The following CLNK variants were observed in gnomAD, a reference collection of about 807,000 sequenced individuals.
The protein encoded by CLNK is cytokine dependent hematopoietic cell linker, also known as cytokine-dependent hematopoietic cell linker.
A neutral mutation model predicts 68.6 loss-of-function variants in CLNK; 74 were observed. The ratio of observed to expected loss-of-function variants is 1.08; its 90% confidence interval spans 0.89 to 1.31. The LOEUF is 1.31. CLNK is among the 50% of genes most tolerant of loss of function. The pLI is 0.00. For missense variants in CLNK, 553 were observed against 515.3 expected (o/e 1.07, Z -0.71); for synonymous variants, 198 against 172.2 (o/e 1.15, Z -1.17).
chr4:10,531,122 T>C (rs1164738996), intron 12 of CLNK, among the ~76,000 whole-genome samples: 3 of 152,166 alleles, frequency 2.0e-5, no homozygotes, highest in Non-Finnish European at 4.4e-5. Context: ...GATAAGAGCA[T>C]AGGTCAAACA....
At chr4:10,650,572 T>A (rs538561852) in intron 2 of CLNK, among the ~76,000 whole-genome samples, 1 of 152,212 alleles carries the variant, frequency 6.6e-6, no homozygotes, top group East Asian at 1.9e-4. Context: ...CCAAAGGGAA[T>A]AAGAAATAAG....
intron 2 of CLNK, among the ~76,000 whole-genome samples, chr4:10,606,488 A>G (rs1231623785): frequency 6.6e-6 from 1 of 152,190 alleles, no homozygotes; most frequent in Non-Finnish European, 1.5e-5. Flanking sequence ...TAAAAAGTAT[A>G]GTCTAGTAAA....
At chr4:10,703,256 C>G in the CLNK span, among the ~76,000 whole-genome samples, 1 of 152,136 alleles carries the variant, frequency 6.6e-6, no homozygotes, top group African/African-American at 2.4e-5. Context: ...CTAAAGAACA[C>G]TAACTACAGT....
intron 2 of CLNK, among the ~76,000 whole-genome samples, chr4:10,626,326 T>G (rs930208269): frequency 5.9e-5 from 9 of 152,324 alleles, no homozygotes; most frequent in African/African-American, 2.2e-4. Flanking sequence ...TGTTTCTCAT[T>G]CATGCTCTCC....
chr4:10,675,934 A>G (rs1035545574), intron 1 of CLNK, among the ~76,000 whole-genome samples: 1 of 152,194 alleles, frequency 6.6e-6, no homozygotes, highest in Non-Finnish European at 1.5e-5. Flanking sequence ...AACCCACACA[A>G]TACACATCTG....
rs1237549000 is a variant in CLNK, at chr4:10,652,405, G to GA, written c.11+15453dup. Among the ~76,000 whole-genome samples, 158 of 118,126 alleles carry GA rather than the reference G, an allele frequency of 1.3e-3. 1 individual carries two copies. Among genetic ancestry groups the GA allele is most frequent in the Admixed American group, 2.2e-3 (26 of 11,984 alleles). The allele number at this position is 118,126 out of a possible 152,430, so 77.5% of individuals were successfully genotyped here. A position where few individuals can be genotyped will look rare whatever the true frequency, so the allele number is the denominator to read the frequency against. On this transcript the variant is annotated intron_variant, in intron 2 of 18. Coordinates refer to ENST00000226951, the MANE Select transcript of CLNK (RefSeq NM_052964.4). ...TCAAAAAAAAAAAAAAAAAAAAAAG[G>GA]AAAAAAAAGACATCTGTTTCACTAG...
intron 3 of CLNK, among the ~76,000 whole-genome samples, chr4:10,591,697 G>T (rs1021907698): frequency 6.6e-6 from 1 of 152,220 alleles, no homozygotes; most frequent in Non-Finnish European, 1.5e-5. Context: ...CTCCACGTGT[G>T]TGCACAAGTG....
chr4:10,596,118 C>T (rs914561421), intron 3 of CLNK, among the ~76,000 whole-genome samples: 8 of 152,320 alleles, frequency 5.3e-5, no homozygotes, highest in African/African-American at 9.6e-5. Context: ...CTCCGCCTCC[C>T]GGGTTCAAGT....
chr4:10,688,180 T>C (rs930584859), upstream of CLNK, among the ~76,000 whole-genome samples: 1 of 152,132 alleles, frequency 6.6e-6, no homozygotes, highest in Admixed American at 6.5e-5. Context: ...GCCACTGAAG[T>C]GTAGTATGGG....
chr4:10,562,485 A>G (rs959889976), intron 7 of CLNK, among the ~76,000 whole-genome samples: 1 of 152,128 alleles, frequency 6.6e-6, no homozygotes, highest in Non-Finnish European at 1.5e-5. Flanking sequence ...GGCTCACTGC[A>G]ACCTCTGACT....
chr4:10,514,448 A>T (rs964578850), intron 15 of CLNK, among the ~76,000 whole-genome samples: 1 of 150,058 alleles, frequency 6.7e-6, no homozygotes, highest in Admixed American at 6.7e-5. Context: ...ATAACGCTGC[A>T]TACCTACAAC....
At chr4:10,668,154 G>C (rs1179915403) in intron 1 of CLNK, among the ~76,000 whole-genome samples, 1 of 152,110 alleles carries the variant, frequency 6.6e-6, no homozygotes. Context: ...CCCGGGAGCT[G>C]AGCAAACATA....
chr4:10,707,746 C>T, the CLNK span, among the ~76,000 whole-genome samples: 2 of 152,162 alleles, frequency 1.3e-5, no homozygotes, highest in Non-Finnish European at 2.9e-5. Context: ...CCTTCTTGTG[C>T]CAGGGAATCA....
intron 8 of CLNK, among the ~76,000 whole-genome samples, chr4:10,549,057 G>A (rs770268155): frequency 1.8e-4 from 27 of 152,220 alleles, no homozygotes; most frequent in Non-Finnish European, 2.8e-4. Flanking sequence ...TCATTATAAT[G>A]TAGGATTATT....
intron 16 of CLNK, among the ~76,000 whole-genome samples, chr4:10,510,389 A>G (rs894390898): frequency 1.3e-5 from 2 of 152,234 alleles, no homozygotes; most frequent in African/African-American, 4.8e-5. Context: ...AGCCATTAGC[A>G]GGTGATGGGA....
intron 3 of CLNK, among the ~76,000 whole-genome samples, chr4:10,587,468 A>G (rs950773606): frequency 4.0e-4 from 61 of 152,160 alleles, no homozygotes; most frequent in African/African-American, 1.2e-3. Context: ...CCTCCAAGGC[A>G]CTCAACGTGC....
intron 11 of CLNK, 116 bp from the exon 12 acceptor site, chr4:10,532,399 T>A (rs750040295): frequency 1.9e-5 from 15 of 780,756 alleles, no homozygotes; most frequent in Non-Finnish European, 2.8e-5. Flanking sequence ...TAACAGCCCA[T>A]AGTCCAGTGA....
chr4:10,554,721 T>C (rs1313094522), intron 8 of CLNK, among the ~76,000 whole-genome samples: 1 of 152,238 alleles, frequency 6.6e-6, no homozygotes, highest in Non-Finnish European at 1.5e-5. Context: ...TTCTGATCAA[T>C]TCTGCAACCT....
intron 16 of CLNK, among the ~76,000 whole-genome samples, chr4:10,513,125 T>A (rs1246858581): frequency 6.6e-6 from 1 of 152,224 alleles, no homozygotes; most frequent in East Asian, 1.9e-4. Flanking sequence ...TTGCAACCTG[T>A]ATATCCTAGT....
Sources: gnomAD v4.1 joint callset for allele counts (sites outside exome capture counted in the v4.1 genomes callset) on GRCh38, gnomAD v4.1.1 for gene constraint, MANE v1.5 for transcripts, NCBI Gene and HGNC (gene_info 2026-07-23, HGNC 2026-07-21) for gene names.